LARGE1: variants seen among roughly 807,000 people sequenced by gnomAD.
LARGE1 encodes the protein xylosyl- and glucuronyltransferase LARGE1.
In LARGE1, 43 loss-of-function variants were observed where a neutral mutation model predicts 87.6. The ratio of observed to expected loss-of-function variants is 0.49; its 90% CI spans 0.38 to 0.63. LARGE1 has a LOEUF of 0.63. Ranked by LOEUF, LARGE1 falls within the 30% of genes least tolerant of loss-of-function variation. The pLI, the probability that LARGE1 is intolerant of heterozygous loss-of-function variation, is 0.00. For synonymous variants in LARGE1, 434 were observed against 394.6 expected, an observed-to-expected ratio of 1.10 and a Z score of -1.18; for missense variants, 802 against 1,000.2, an observed-to-expected ratio of 0.80 and a Z score of 2.67.
At chr22:33,406,990 A>C (rs1187655410) in intron 7 of LARGE1, among the ~76,000 whole-genome samples, 1 of 151,910 alleles carries the variant, frequency 6.6e-6, no homozygotes, top group Non-Finnish European at 1.5e-5. Flanking sequence ...ACGGGGTTTC[A>C]CCATGTTGGC....
chr22:33,563,037 G>C (rs1401844505), intron 6 of LARGE1: 2 of 152,628 alleles, frequency 1.3e-5, no homozygotes, highest in Non-Finnish European at 2.9e-5. Flanking sequence ...TGTGGCAGAT[G>C]ATCCTGCAGG....
At chr22:33,717,978 A>G (rs1305816450) in intron 2 of LARGE1, among the ~76,000 whole-genome samples, 2 of 152,178 alleles carry the variant, frequency 1.3e-5, no homozygotes, top group Admixed American at 1.3e-4. Flanking sequence ...CTCGGCTCTA[A>G]AAGTTCCCTT....
At chr22:33,757,913 T>G (rs1437726810) in intron 2 of LARGE1, among the ~76,000 whole-genome samples, 1 of 152,194 alleles carries the variant, frequency 6.6e-6, no homozygotes, top group African/African-American at 2.4e-5. Flanking sequence ...TGTGTTCTGA[T>G]AAATACTCAG....
chr22:33,238,378 A>T (rs1270841232), intron 11 of LARGE1, among the ~76,000 whole-genome samples: 1 of 152,216 alleles, frequency 6.6e-6, no homozygotes, highest in Non-Finnish European at 1.5e-5. Flanking sequence ...ACATAATTGC[A>T]AAGAAAAAGT....
At chr22:33,611,358 G>A (rs2079424250) in intron 4 of LARGE1, among the ~76,000 whole-genome samples, 1 of 152,262 alleles carries the variant, frequency 6.6e-6, no homozygotes, top group Admixed American at 6.5e-5. Flanking sequence ...TTGGGAGCCT[G>A]CCCATTGCAC....
intron 1 of LARGE1, among the ~76,000 whole-genome samples, chr22:33,890,107 G>A (rs956415379): frequency 2.0e-5 from 3 of 152,364 alleles, no homozygotes. Flanking sequence ...TCTGAAGATA[G>A]AGGGGAACTA....
At chr22:33,236,481 C>G (rs1926257358) in intron 11 of LARGE1, among the ~76,000 whole-genome samples, 2 of 152,174 alleles carry the variant, frequency 1.3e-5, no homozygotes, top group East Asian at 3.8e-4. Context: ...TGTGATAAGT[C>G]TCCCAAAATC....
intron 7 of LARGE1, among the ~76,000 whole-genome samples, chr22:33,418,964 CT>C (rs1212720832): frequency 1.3e-5 from 2 of 152,110 alleles, no homozygotes; most frequent in African/African-American, 4.8e-5. Flanking sequence ...GTCTGAACAC[CT>C]GAAGAATCCC....
intron 5 of LARGE1, among the ~76,000 whole-genome samples, chr22:33,569,198 T>C (rs1471095835): frequency 6.6e-6 from 1 of 152,228 alleles, no homozygotes; most frequent in Non-Finnish European, 1.5e-5. Context: ...TGCAGAGCTG[T>C]GCTATTTAAT....
At chr22:33,283,158 A>C in intron 13 of LARGE1, 44 bp downstream of exon 13, 2 of 1,612,634 alleles carry the variant, frequency 1.2e-6, no homozygotes, top group Non-Finnish European at 1.7e-6. Flanking sequence ...AGGAGAAAGA[A>C]GGCCTTCGAG....
At chr22:33,170,931 T>A (rs1319386963) in intron 11 of LARGE1, among the ~76,000 whole-genome samples, 1 of 152,198 alleles carries the variant, frequency 6.6e-6, no homozygotes, top group Non-Finnish European at 1.5e-5. Flanking sequence ...TGGGAAAGTT[T>A]GGAACTTCCT....
rs137943080 is a variant in LARGE1, at chr22:33,673,562, C to T, written c.107-22894G>A. Among the ~76,000 whole-genome samples the T allele has an allele frequency of 6.3e-3, 956 of 152,308 alleles. 13 individuals carry two copies. The highest frequency in any genetic ancestry group is 8.0e-3 in the Non-Finnish European group (541 of 68,026). On this transcript the variant is annotated intron_variant, in intron 2 of 14. Transcript: ENST00000397394. ...CGTAACATAAAGTTGACCATCTTTA[C>T]CATTTGAAGTGTACAGCTCAGTAGC...
chr22:33,780,365 C>T (rs997897333), intron 1 of LARGE1, among the ~76,000 whole-genome samples: 1 of 152,196 alleles, frequency 6.6e-6, no homozygotes, highest in Non-Finnish European at 1.5e-5. Context: ...AAGTAAACCA[C>T]TGTGAGACAG....
At chr22:33,790,212 GCCA>G (rs751394898) in intron 1 of LARGE1, among the ~76,000 whole-genome samples, 24 of 152,148 alleles carry the variant, frequency 1.6e-4, no homozygotes, top group Non-Finnish European at 3.4e-4. Context: ...TCTCTTTCCT[GCCA>G]CCATGTAAGA....
At chr22:33,476,532 G>A (rs1174695077) in intron 6 of LARGE1, among the ~76,000 whole-genome samples, 1 of 152,138 alleles carries the variant, frequency 6.6e-6, no homozygotes, top group African/African-American at 2.4e-5. Flanking sequence ...GACCACCCTG[G>A]GGCACATGTC....
At chr22:33,859,494 A>G (rs184854011) in intron 1 of LARGE1, among the ~76,000 whole-genome samples, 33 of 152,318 alleles carry the variant, frequency 2.2e-4, no homozygotes, top group Non-Finnish European at 4.0e-4. Flanking sequence ...CTCAGAAAAT[A>G]AAAGGGAGTT....
intron 1 of LARGE1, among the ~76,000 whole-genome samples, chr22:33,830,330 T>C (rs979423027): frequency 3.3e-5 from 5 of 152,160 alleles, no homozygotes; most frequent in East Asian, 1.9e-4. Context: ...ACCAACACCA[T>C]GCAGATGCCG....
At chr22:33,649,477 T>C (rs2080725214) in intron 3 of LARGE1, among the ~76,000 whole-genome samples, 3 of 152,322 alleles carry the variant, frequency 2.0e-5, no homozygotes, top group South Asian at 2.1e-4. Context: ...AAATGTACTA[T>C]GTACTAGGCG....
chr22:33,363,346 C>T (rs1335082024), intron 9 of LARGE1, among the ~76,000 whole-genome samples: 1 of 149,878 alleles, frequency 6.7e-6, no homozygotes, highest in African/African-American at 2.5e-5. Context: ...CTGGGGAGGC[C>T]TCACAATCAT....
Sources: allele counts gnomAD v4.1 joint callset (sites outside exome capture counted in the v4.1 genomes callset), GRCh38; gene constraint gnomAD v4.1.1; transcripts MANE v1.5; gene names NCBI Gene and HGNC (gene_info 2026-07-23, HGNC 2026-07-21).